Variants in EVI5 observed in about 807,000 individuals in gnomAD.
EVI5 encodes ecotropic viral integration site 5 protein homolog.
Under a neutral mutation model 112.0 loss-of-function variants are expected in EVI5, and 73 were observed. The observed-to-expected ratio is 0.65, with a 90% confidence interval of 0.54 to 0.79. The LOEUF is 0.79. Ranked by LOEUF, EVI5 falls within the 30% of genes least tolerant of loss-of-function variation. The probability of loss-of-function intolerance (pLI) is 0.00; values close to 1 mark genes in which losing one functional copy is unlikely to be tolerated. For missense variants in EVI5, 900 were observed against 968.8 expected (o/e 0.93, Z 0.94); for synonymous variants, 305 against 319.9 (o/e 0.95, Z 0.50).
At chr1:92,596,962 G>A (rs1205399073) in intron 18 of EVI5, among the ~76,000 whole-genome samples, 1 of 152,030 alleles carries the variant, frequency 6.6e-6, no homozygotes, top group Non-Finnish European at 1.5e-5. Flanking sequence ...TATTATGTAG[G>A]CAAGAAAGAA....
intron 1 of EVI5, among the ~76,000 whole-genome samples, chr1:92,758,532 T>C (rs1353847867): frequency 6.9e-6 from 1 of 145,922 alleles, no homozygotes; most frequent in Non-Finnish European, 1.5e-5. Context: ...ATTCAGCCAC[T>C]GCACTCCAGC....
At chr1:92,780,843 A>C (rs34288890) in intron 1 of EVI5, among the ~76,000 whole-genome samples, 30,866 of 150,802 alleles carry the variant, frequency 0.2, 3,636 homozygotes, top group Non-Finnish European at 0.26. Context: ...CAAAGAAAAA[A>C]AAAAGTAAAT....
At chr1:92,534,636 A>G (rs563866432) in intron 19 of EVI5, among the ~76,000 whole-genome samples, 1 of 152,312 alleles carries the variant, frequency 6.6e-6, no homozygotes, top group African/African-American at 2.4e-5. Context: ...ACACATGTAC[A>G]ACCATGTGAT....
rs60914899 is a variant in EVI5 at position 92,694,555 on chromosome 1, T to C, written c.910-167A>G. 3.2e-3 allele frequency among the ~76,000 whole-genome samples: 493 copies of C among 152,292 alleles called. 3 individuals are homozygous for C. The highest frequency in any genetic ancestry group is 0.011 in the African/African-American group (460 of 41,562). On this transcript the variant is annotated intron_variant, in intron 7 of 19. Coordinates refer to ENST00000684568, the MANE Select transcript of EVI5 (RefSeq NM_001350197.2). The stretch of plus-strand genomic sequence containing the variant: ...AGTATTTTAGGTTTGGTGGGCTATA[T>C]TGTCTGTCAAAATTACTCAGTTCTG...
intron 19 of EVI5, among the ~76,000 whole-genome samples, chr1:92,534,345 G>C (rs1663431919): frequency 6.6e-6 from 1 of 152,174 alleles, no homozygotes. Flanking sequence ...TGTGACAATG[G>C]CCATACTGCC....
chr1:92,643,855 T>C (rs1660457159), intron 13 of EVI5, among the ~76,000 whole-genome samples: 1 of 152,130 alleles, frequency 6.6e-6, no homozygotes, highest in Admixed American at 6.5e-5. Context: ...CAAAAGTCAA[T>C]AAATCTGGAG....
chr1:92,687,209 A>G (rs1021773010), intron 9 of EVI5, among the ~76,000 whole-genome samples: 44 of 152,222 alleles, frequency 2.9e-4, no homozygotes, highest in Non-Finnish European at 5.6e-4. Flanking sequence ...CCAATGGAAC[A>G]GAACAGAGGC....
At chr1:92,639,736 T>C (rs1027591426) in intron 13 of EVI5, among the ~76,000 whole-genome samples, 4 of 152,092 alleles carry the variant, frequency 2.6e-5, no homozygotes, top group Admixed American at 6.5e-5. Context: ...CAAACTACCA[T>C]TGACATTCTT....
chr1:92,534,183 T>C (rs1290398657), intron 19 of EVI5, among the ~76,000 whole-genome samples: 1 of 152,076 alleles, frequency 6.6e-6, no homozygotes, highest in Non-Finnish European at 1.5e-5. Flanking sequence ...CATTCATAAC[T>C]ACTAGTAAGA....
chr1:92,783,253 C>G (rs1290028064), intron 1 of EVI5, among the ~76,000 whole-genome samples: 1 of 151,922 alleles, frequency 6.6e-6, no homozygotes, highest in African/African-American at 2.4e-5. Flanking sequence ...GGGCCAGGTG[C>G]GCTGGCTCAC....
intron 19 of EVI5, among the ~76,000 whole-genome samples, chr1:92,560,601 G>A (rs908017646): frequency 6.6e-6 from 1 of 151,938 alleles, no homozygotes; most frequent in Non-Finnish European, 1.5e-5. Flanking sequence ...CCAGGCTGGA[G>A]TGCAGTGGTG....
chr1:92,582,360 A>C (rs1672076009), intron 18 of EVI5, among the ~76,000 whole-genome samples: 1 of 152,214 alleles, frequency 6.6e-6, no homozygotes, highest in Non-Finnish European at 1.5e-5. Context: ...AAGAGCCATA[A>C]AGAATATAAG....
chr1:92,738,625 A>G (rs1677838223), intron 1 of EVI5, among the ~76,000 whole-genome samples: 1 of 152,214 alleles, frequency 6.6e-6, no homozygotes, highest in Non-Finnish European at 1.5e-5. Flanking sequence ...CAATTCTGAC[A>G]TGCTTTAGAC....
chr1:92,537,674 G>A (rs1442893034), intron 19 of EVI5, among the ~76,000 whole-genome samples: 1 of 151,698 alleles, frequency 6.6e-6, no homozygotes, highest in African/African-American at 2.4e-5. Context: ...CAAACAAAAT[G>A]ATTTCCAGAG....
intron 19 of EVI5, among the ~76,000 whole-genome samples, chr1:92,554,150 G>C (rs1667362873): frequency 6.6e-6 from 1 of 152,220 alleles, no homozygotes; most frequent in South Asian, 2.1e-4. Flanking sequence ...AGATAGAATA[G>C]AAGTGCAGAA....
chr1:92,741,894 T>C (rs1377286778), intron 1 of EVI5, among the ~76,000 whole-genome samples: 2 of 152,072 alleles, frequency 1.3e-5, no homozygotes, highest in Non-Finnish European at 2.9e-5. Context: ...AGGGAAAAAC[T>C]TCATGACAAT....
chr1:92,738,458 C>T (rs905591375), intron 1 of EVI5, among the ~76,000 whole-genome samples: 5 of 152,128 alleles, frequency 3.3e-5, no homozygotes, highest in Non-Finnish European at 7.3e-5. Context: ...TAATGCTTTA[C>T]ATTTTCATTA....
intron 1 of EVI5, among the ~76,000 whole-genome samples, chr1:92,755,077 T>TG (rs1558208256): frequency 5.3e-5 from 8 of 151,208 alleles, no homozygotes; most frequent in South Asian, 4.2e-4. Flanking sequence ...GGTTTTTTTT[T>TG]TTTTTTTTTT....
At chr1:92,588,728 C>G (rs1222771614) in intron 18 of EVI5, among the ~76,000 whole-genome samples, 2 of 152,102 alleles carry the variant, frequency 1.3e-5, no homozygotes, top group Non-Finnish European at 2.9e-5. Flanking sequence ...ATAGTAAGTA[C>G]CCCATAAATA....
Sources: allele counts gnomAD v4.1 joint callset (sites outside exome capture counted in the v4.1 genomes callset), GRCh38; gene constraint gnomAD v4.1.1; transcripts MANE v1.5; gene names NCBI Gene and HGNC (gene_info 2026-07-23, HGNC 2026-07-21).